The following RNF43 variants were observed in gnomAD, a reference collection of about 807,000 sequenced individuals.
RNF43 encodes the protein ring finger protein 43, also known as E3 ubiquitin-protein ligase RNF43.
In RNF43, 37 loss-of-function variants were observed where a neutral mutation model predicts 78.4. That is an observed-to-expected ratio of 0.47 (90% CI 0.36 to 0.62). The LOEUF is 0.62. Among genes scored for constraint, RNF43 ranks in the 20% least tolerant of loss-of-function variants. The probability of loss-of-function intolerance (pLI) is 0.00; values close to 1 mark genes in which losing one functional copy is unlikely to be tolerated. For missense variants in RNF43, 774 were observed against 1,007.9 expected (o/e 0.77, Z 3.14); for synonymous variants, 347 against 395.0 (o/e 0.88, Z 1.44).
In RNF43 at chr17:58,373,846, G is replaced by A. The variant is rs1049410246; in HGVS notation, c.253-2813C>T. Among the ~76,000 whole-genome samples the A allele has an allele frequency of 7.9e-5, 12 of 151,948 alleles. 1 individual carries two copies. Among genetic ancestry groups the A allele is most frequent in the Admixed American group, 2.6e-4 (4 of 15,240 alleles). On this transcript the variant is annotated intron_variant, in intron 2 of 9. Coordinates refer to ENST00000407977, the MANE Select transcript of RNF43 (RefSeq NM_017763.6). ...TATCATAGCCACTTAAAGAAGAGAAGCTTGAGGCTGAGAGAAATCAAGGTC... is the reference window on the plus strand; with the variant it reads ...TATCATAGCCACTTAAAGAAGAGAAACTTGAGGCTGAGAGAAATCAAGGTC...
At chr17:58,366,100 C>T (rs1050631824) in intron 3 of RNF43, among the ~76,000 whole-genome samples, 3 of 152,224 alleles carry the variant, frequency 2.0e-5, no homozygotes, top group Non-Finnish European at 2.9e-5. Flanking sequence ...CCCTCCAAAA[C>T]AGCTCATAAT....
At chr17:58,406,724 G>A (rs1973915856) in intron 2 of RNF43, among the ~76,000 whole-genome samples, 1 of 149,634 alleles carries the variant, frequency 6.7e-6, no homozygotes, top group African/African-American at 2.5e-5. Context: ...GTAGAAAATG[G>A]TTTGGGGGAA....
intron 2 of RNF43, among the ~76,000 whole-genome samples, chr17:58,378,280 T>G (rs2680707): frequency 1.3e-5 from 2 of 152,092 alleles, no homozygotes; most frequent in Non-Finnish European, 2.9e-5. Context: ...ATTTTTGAGA[T>G]AGGGTCTTGC....
rs780369836 is a variant in RNF43 at position 58,415,599 on chromosome 17, C to T, written c.-22G>A. ...TCATGCTACCAGCTGCAGCAATGCA[C>T]TTCAACCATACATACTGCTTCCACT... On this transcript the variant is annotated 5_prime_UTR_variant, in exon 2 of 10. It adds an upstream start codon to the 5' untranslated region. Transcript: ENST00000407977. 6.2e-6 allele frequency: 10 copies of T among 1,602,956 alleles called. No homozygotes were observed. The highest frequency in any genetic ancestry group is 3.3e-5 in the Admixed American group (2 of 59,966).
chr17:58,361,110 C>T (rs573948222), intron 6 of RNF43, among the ~76,000 whole-genome samples, 166 bp from the exon 7 acceptor site: 13 of 152,324 alleles, frequency 8.5e-5, no homozygotes, highest in South Asian at 4.1e-4. Flanking sequence ...GCCAAGCATG[C>T]CAAGCTCTCC....
intron 2 of RNF43, among the ~76,000 whole-genome samples, chr17:58,382,305 A>C (rs915647251): frequency 6.6e-6 from 1 of 152,216 alleles, no homozygotes; most frequent in Non-Finnish European, 1.5e-5. Flanking sequence ...TGCCATGCAC[A>C]CAGTAGATAT....
At chr17:58,416,850 C>A (rs1406768276) in intron 1 of RNF43, 167 bp downstream of exon 1, 1 of 152,118 alleles carries the variant, frequency 6.6e-6, no homozygotes, top group Non-Finnish European at 1.5e-5. Context: ...ATACACCTCA[C>A]CCACAAAGCC....
At chr17:58,402,976 T>C (rs773929203) in intron 2 of RNF43, among the ~76,000 whole-genome samples, 43 of 151,960 alleles carry the variant, frequency 2.8e-4, no homozygotes, top group Non-Finnish European at 4.0e-4. Context: ...GAGTCAAACA[T>C]TGGTTTAAAA....
chr17:58,359,947 A>T (rs1972794527), intron 8 of RNF43, among the ~76,000 whole-genome samples: 1 of 152,192 alleles, frequency 6.6e-6, no homozygotes, highest in African/African-American at 2.4e-5. Flanking sequence ...AATTAAAATT[A>T]AAAAATAAAT....
At chr17:58,397,588 G>A (rs1221791586) in intron 2 of RNF43, among the ~76,000 whole-genome samples, 2 of 151,986 alleles carry the variant, frequency 1.3e-5, no homozygotes, top group Admixed American at 1.3e-4. Context: ...ACTTGAATCT[G>A]GGAGGCAGAG....
chr17:58,389,351 T>C (rs977108553), intron 2 of RNF43, among the ~76,000 whole-genome samples: 1 of 151,984 alleles, frequency 6.6e-6, no homozygotes, highest in Non-Finnish European at 1.5e-5. Flanking sequence ...ATGGGGAAAT[T>C]AGAAAAAAGC....
At position 58,360,274 on chromosome 17, in the gene RNF43, A is replaced by C; in HGVS notation, c.850-23T>G. ...CTCCTGGAGAAAAAGAGGGGGTCCA[A>C]ACCAAAGGCTTCTGTAGCCATAGGA... On this transcript the variant is annotated intron_variant, in intron 7 of 9. Coordinates refer to ENST00000407977, the MANE Select transcript of RNF43 (RefSeq NM_017763.6). This position sits in a 1 kb window ranked among gnomAD's most constrained non-coding sequence, Gnocchi z 4.3. 1 of 1,577,522 alleles carries C rather than the reference A, an allele frequency of 6.3e-7. No homozygotes were observed. Among genetic ancestry groups the C allele is most frequent in the Non-Finnish European group, 8.7e-7 (1 of 1,146,490 alleles).
intron 2 of RNF43, among the ~76,000 whole-genome samples, chr17:58,385,950 T>A (rs549050698): frequency 2.6e-5 from 4 of 151,044 alleles, no homozygotes; most frequent in African/African-American, 7.3e-5. Context: ...CTATGAAAAA[T>A]TTTTTAAAAA....
chr17:58,415,326 C>T lies in RNF43; in HGVS notation c.252G>A (p.Gln84=), dbSNP rs2143694001. The change falls in exon 2 of 10, where the codon CAG becomes CAA. Residue 84 remains glutamine, a splice_region_variant and synonymous_variant. Transcript: ENST00000407977. ...TGAAATATAATAAAGTTATACTTGC[C>T]TGCATTAATTTTCCTTCTGCTGGAG... ...EITPAEGKLM[Q]SHPLYLCNAS... The T allele has an allele frequency of 6.2e-7, 1 of 1,614,078 alleles. No homozygotes were observed. Among genetic ancestry groups the T allele is most frequent in the Non-Finnish European group, 8.5e-7 (1 of 1,179,956 alleles).
At chr17:58,390,543 A>T (rs912511061) in intron 2 of RNF43, among the ~76,000 whole-genome samples, 19 of 152,340 alleles carry the variant, frequency 1.2e-4, no homozygotes, top group African/African-American at 4.6e-4. Context: ...GGCCTAATCT[A>T]CACTGTTTCA....
In RNF43 at chr17:58,354,490, C is replaced by T; in HGVS notation, c.*453G>A. 1 of 269,074 alleles carries T rather than the reference C, an allele frequency of 3.7e-6. No individual in the cohort carries two copies. Among genetic ancestry groups the T allele is most frequent in the Non-Finnish European group, 7.3e-6 (1 of 136,676 alleles). 16.7% of individuals were successfully genotyped at this position (269,074 alleles called of 1,614,324 possible). A position where few individuals can be genotyped will look rare whatever the true frequency, so the allele number is the denominator to read the frequency against. ...GGGGCCAAAGCTGGTGTTCAGAGCTCACCCAAGGAGGGAGGTGATAAGGTG... is the reference window on the plus strand; with the variant it reads ...GGGGCCAAAGCTGGTGTTCAGAGCTTACCCAAGGAGGGAGGTGATAAGGTG... On this transcript the variant is annotated 3_prime_UTR_variant, in exon 10 of 10. Coordinates refer to ENST00000407977, the MANE Select transcript of RNF43 (RefSeq NM_017763.6).
chr17:58,416,496 T>C (rs1974127965), intron 1 of RNF43: 1 of 152,238 alleles, frequency 6.6e-6, no homozygotes, highest in Admixed American at 6.5e-5. Flanking sequence ...TAAGGATTCT[T>C]GATTTTATTC....
intron 2 of RNF43, among the ~76,000 whole-genome samples, chr17:58,405,738 GAAAGAAAGAAAGAAAGAAAGAAAGAAAA>G (rs1973895952): frequency 6.6e-6 from 1 of 151,080 alleles, no homozygotes; most frequent in African/African-American, 2.4e-5. Flanking sequence ...AAGAAAGAAA[GAAAGAAAGAAAGAAAGAAAGAAAGAAAA>G]AGAGAAAATA....
intron 2 of RNF43, among the ~76,000 whole-genome samples, chr17:58,375,577 T>C (rs778799647): frequency 2.6e-5 from 4 of 152,288 alleles, no homozygotes; most frequent in Non-Finnish European, 5.9e-5. Flanking sequence ...ATTTGTTGAT[T>C]AAATATTGGA....
Sources: gnomAD v4.1 joint callset for allele counts (sites outside exome capture counted in the v4.1 genomes callset) on GRCh38, gnomAD v4.1.1 for gene constraint, Gnocchi (gnomAD v3.1) non-coding constraint, MANE v1.5 for transcripts, NCBI Gene and HGNC (gene_info 2026-07-23, HGNC 2026-07-21) for gene names.